Variants in CDC73 observed in about 807,000 individuals in gnomAD.
CDC73 encodes the protein cell division cycle 73.
CDC73 carries 21 observed loss-of-function variants against 83.7 expected under a neutral mutation model. That is an observed-to-expected ratio of 0.25 (90% CI 0.18 to 0.36). CDC73 has a LOEUF of 0.36. CDC73 is among the 10% of genes least tolerant of loss of function. CDC73 has a pLI of 1.00. For synonymous variants in CDC73, 224 were observed against 212.9 expected (o/e 1.05, Z -0.45); for missense variants, 342 against 653.3 (o/e 0.52, Z 5.19).
At position 193,171,967 on chromosome 1, in the gene CDC73, G is replaced by A. The variant is rs527936949; in HGVS notation, c.972+19523G>A. The stretch of plus-strand genomic sequence containing the variant: ...TTTTGAGACAGAGTCTTTCTCTGTC[G>A]CCCAGGCTGGAGTGCAGTGGCATCT... On this transcript the variant is annotated intron_variant, in intron 10 of 16. Coordinates refer to ENST00000367435, the MANE Select transcript of CDC73 (RefSeq NM_024529.5). Among the ~76,000 whole-genome samples, 182 of 152,120 alleles carry A rather than the reference G, an allele frequency of 1.2e-3. 1 individual carries two copies. The highest frequency in any genetic ancestry group is 3.9e-3 in the African/African-American group (163 of 41,508).
intron 2 of CDC73, among the ~76,000 whole-genome samples, chr1:193,129,554 C>T (rs927648876): frequency 3.4e-5 from 5 of 146,968 alleles, no homozygotes; most frequent in South Asian, 2.2e-4. Flanking sequence ...TTGCCCAGGC[C>T]GGAGTGCAGT....
chr1:193,184,572 T>C (rs1452784533), intron 10 of CDC73, among the ~76,000 whole-genome samples: 1 of 151,948 alleles, frequency 6.6e-6, no homozygotes, highest in Admixed American at 6.6e-5. Context: ...ACACTCAGTT[T>C]TTATCATTTG....
chr1:193,251,903 A>G lies in CDC73; in HGVS notation c.*1191A>G, dbSNP rs1678049701. The G allele has an allele frequency of 8.7e-6, 2 of 229,926 alleles. No homozygotes were observed. The highest frequency in any genetic ancestry group is 1.7e-5 in the Non-Finnish European group (2 of 116,614). 14.2% of individuals were successfully genotyped at this position (229,926 alleles called of 1,614,324 possible). On this transcript the variant is annotated 3_prime_UTR_variant, in exon 17 of 17. Transcript: ENST00000367435. ...TTTACTTTCCTAAAGTGTTTTTGCC[A>G]TTGGAATTTTTGCTGATCACAGTCT...
rs1060503805 is a variant in CDC73 at position 193,152,371 on chromosome 1, T to C, written c.908-9T>C. 1.9e-6 allele frequency: 3 copies of C among 1,597,764 alleles called. No individual in the cohort carries two copies. Among genetic ancestry groups the C allele is most frequent in the Middle Eastern group, 1.7e-4 (1 of 6,016 alleles). On this transcript the variant is annotated splice_polypyrimidine_tract_variant and intron_variant, in intron 9 of 16. Coordinates refer to ENST00000367435, the MANE Select transcript of CDC73 (RefSeq NM_024529.5). The stretch of plus-strand genomic sequence containing the variant: ...AAAATCTTAACAATAAGCCTCTTTT[T>C]TTTCGTAGAAACGGAAGGCTTCAAA...
At chr1:193,143,498 G>A (rs976672470) in intron 7 of CDC73, among the ~76,000 whole-genome samples, 1 of 152,026 alleles carries the variant, frequency 6.6e-6, no homozygotes, top group Non-Finnish European at 1.5e-5. Context: ...CTAGGTGGCA[G>A]GATTGTACCA....
In CDC73 at chr1:193,253,586, AGTTT is replaced by A. The variant is rs1572228783; in HGVS notation, c.*2879_*2882del. ...GTATTTCATTATTAACTAGTATTATAGTTTGTTTTTTTCCCATGTCTCCATAACT... is the reference window on the plus strand; with the variant it reads ...GTATTTCATTATTAACTAGTATTATAGTTTTTTTCCCATGTCTCCATAACT... On this transcript the variant is annotated 3_prime_UTR_variant, in exon 17 of 17. Transcript: ENST00000367435. The A allele has an allele frequency of 2.6e-5, 6 of 232,028 alleles. No homozygotes were observed. In the East Asian group the frequency reaches 3.7e-4, roughly 14 times the overall value. The allele number at this position is 232,028 out of a possible 1,614,324, so 14.4% of individuals were successfully genotyped here.
chr1:193,140,645 G>A (rs758496910), intron 6 of CDC73, among the ~76,000 whole-genome samples: 3 of 152,078 alleles, frequency 2.0e-5, no homozygotes, highest in Non-Finnish European at 2.9e-5. Context: ...GCTATTAAGC[G>A]ACTAACAGGC....
chr1:193,187,102 T>TC (rs3079946), intron 10 of CDC73, among the ~76,000 whole-genome samples: 5,529 of 32,830 alleles, frequency 0.17, 1,693 homozygotes, highest in African/African-American at 0.31. Flanking sequence ...GTAATTTAGA[T>TC]CCCCCCCCCC....
intron 10 of CDC73, among the ~76,000 whole-genome samples, chr1:193,200,575 T>G (rs989180816): frequency 6.6e-6 from 1 of 152,240 alleles, no homozygotes; most frequent in South Asian, 2.1e-4. Flanking sequence ...TGCTTCTGAC[T>G]TTTCAAGAGA....
In CDC73 at chr1:193,168,325, G is replaced by T. The variant is rs530769704; in HGVS notation, c.972+15881G>T. Among the ~76,000 whole-genome samples the T allele has an allele frequency of 3.9e-5, 6 of 152,300 alleles. No individual in the cohort carries two copies. The South Asian group carries it at 1.2e-3, about 32-fold the overall frequency. On this transcript the variant is annotated intron_variant, in intron 10 of 16. Coordinates refer to ENST00000367435, the MANE Select transcript of CDC73 (RefSeq NM_024529.5). The stretch of plus-strand genomic sequence containing the variant: ...TCCAGGAAATGTTTGCTGTGTGCCT[G>T]CTGTATGCTAGGCAGTATTGTAGGC...
chr1:193,163,277 G>A (rs1191110076), intron 10 of CDC73, among the ~76,000 whole-genome samples: 2 of 151,758 alleles, frequency 1.3e-5, no homozygotes, highest in Admixed American at 1.3e-4. Flanking sequence ...AGGCTGAGGC[G>A]GGTGGATTCC....
At chr1:193,176,993 G>A (rs1488220266) in intron 10 of CDC73, among the ~76,000 whole-genome samples, 2 of 152,094 alleles carry the variant, frequency 1.3e-5, no homozygotes, top group African/African-American at 4.8e-5. Flanking sequence ...ACAACAACTG[G>A]AAAGAAGGGA....
chr1:193,249,940 GT>G, intron 16 of CDC73, 69 bp downstream of exon 16: 1 of 1,437,386 alleles, frequency 7.0e-7, no homozygotes, highest in South Asian at 1.1e-5. Flanking sequence ...TAAATTTTAA[GT>G]TCCATAGAGT....
intron 14 of CDC73, among the ~76,000 whole-genome samples, chr1:193,234,712 TC>T (rs1317700722): frequency 6.6e-6 from 1 of 152,180 alleles, no homozygotes; most frequent in African/African-American, 2.4e-5. Flanking sequence ...ATAAGTGACC[TC>T]TGTCCAGCAA....
intron 13 of CDC73, among the ~76,000 whole-genome samples, chr1:193,217,366 C>G (rs552735425): frequency 1.3e-5 from 2 of 152,160 alleles, no homozygotes; most frequent in African/African-American, 2.4e-5. Context: ...AGTTTCTTGT[C>G]TTGGTGTACT....
rs755649809 is a variant in CDC73, at chr1:193,180,772, T to C, written c.973-23023T>C. 82 of 1,613,978 alleles carry C rather than the reference T, an allele frequency of 5.1e-5. No individual in the cohort carries two copies. The highest frequency in any genetic ancestry group is 6.7e-5 in the East Asian group (3 of 44,896). On this transcript the variant is annotated intron_variant, in intron 10 of 16. Coordinates refer to ENST00000367435, the MANE Select transcript of CDC73 (RefSeq NM_024529.5). ...AGGCAGATCTGGCTTCAGTAACTTATTGATTAAATATTCAGTGTTGACAAA... is the reference window on the plus strand; with the variant it reads ...AGGCAGATCTGGCTTCAGTAACTTACTGATTAAATATTCAGTGTTGACAAA...
chr1:193,138,070 A>G lies in CDC73; in HGVS notation c.424-15A>G. 1 of 1,591,502 alleles carries G rather than the reference A, an allele frequency of 6.3e-7. No individual in the cohort carries two copies. The highest frequency in any genetic ancestry group is 8.6e-7 in the Non-Finnish European group (1 of 1,159,480). On this transcript the variant is annotated splice_polypyrimidine_tract_variant and intron_variant, in intron 5 of 16. Transcript: ENST00000367435. ...AATAAAAATTTTAAATGCATTAACC[A>G]GTGGTTATTTCCAGGATGAAGAGTG... is the stretch of plus-strand genomic sequence containing the variant.
Position 193,150,369 on chromosome 1 carries a change from C to T in CDC73, c.894C>T (p.Phe298=). 6.2e-7 allele frequency: 1 copy of T among 1,611,178 alleles called. No homozygotes were observed. The highest frequency in any genetic ancestry group is 8.5e-7 in the Non-Finnish European group (1 of 1,177,332). ...AAYNRYDQER[F]KGKEETEGFK... is the part of the protein sequence containing the mutation. ...ATAACAGATACGATCAGGAAAGATT[C>T]AAAGGAAAAGAAGGCAAGTTGCTTA... is the stretch of plus-strand genomic sequence containing the variant. Residue 298 remains phenylalanine, a synonymous_variant, in exon 9 of 17, where the codon TTC becomes TTT. Transcript: ENST00000367435.
chr1:193,148,747 C>T (rs1676053407), intron 8 of CDC73, among the ~76,000 whole-genome samples: 5 of 145,366 alleles, frequency 3.4e-5, no homozygotes, highest in Non-Finnish European at 1.5e-5. Context: ...TGGGTTCAAG[C>T]GATTCTTCTG....
Sources: allele counts gnomAD v4.1 joint callset (sites outside exome capture counted in the v4.1 genomes callset), GRCh38; gene constraint gnomAD v4.1.1; transcripts MANE v1.5; gene names NCBI Gene and HGNC (gene_info 2026-07-23, HGNC 2026-07-21).